Variants in MADD observed in about 807,000 individuals in gnomAD.
MADD encodes MAP kinase-activating death domain protein.
MADD carries 109 observed loss-of-function variants against 176.7 expected under a neutral mutation model. That is an observed-to-expected ratio of 0.62 (90% CI 0.53 to 0.72). The LOEUF is 0.72. MADD is among the 30% of genes least tolerant of loss of function. The probability of loss-of-function intolerance (pLI) is 0.00; values close to 1 mark genes in which losing one functional copy is unlikely to be tolerated. For synonymous variants in MADD, 771 were observed against 771.3 expected (o/e 1.00, Z 0.01); for missense variants, 1,914 against 2,045.5 (o/e 0.94, Z 1.24).
At chr11:47,279,308 G>A (rs1417220277) in intron 7 of MADD, among the ~76,000 whole-genome samples, 5 of 150,342 alleles carry the variant, frequency 3.3e-5, no homozygotes, top group Admixed American at 2.7e-4. Context: ...TTATGATGCT[G>A]TATAAAATAG....
chr11:47,282,958 T>C lies in MADD; in HGVS notation c.1851T>C (p.Pro617=), dbSNP rs1316264471. 7 of 1,613,492 alleles carry C rather than the reference T, an allele frequency of 4.3e-6. No homozygotes were observed. The African/African-American group carries it at 5.3e-5, about 12-fold the overall frequency. The change falls in exon 10 of 33, where the codon CCT becomes CCC. Residue 617 remains proline, a synonymous_variant. Transcript: ENST00000402192. ...CAGAGCGGGACTCTGACTCCGAACC[T>C]ACTGATGATAGGTGAGCATCCTTAG...
intron 19 of MADD, 94 bp from the exon 21 acceptor site, chr11:47,292,449 T>C: frequency 9.1e-7 from 1 of 1,097,346 alleles, no homozygotes; most frequent in Non-Finnish European, 1.4e-6. Flanking sequence ...TGCCTGAGAC[T>C]GAATCGACTT....
intron 27 of MADD, among the ~76,000 whole-genome samples, chr11:47,320,067 GTC>G (rs2094144973): frequency 6.9e-6 from 1 of 145,706 alleles, no homozygotes; most frequent in Admixed American, 6.8e-5. Flanking sequence ...ACCTTTCCGT[GTC>G]TTTTTTTTTT....
Position 47,293,954 on chromosome 11 carries a change from A to T in MADD, c.3373A>T (p.Ser1125Cys), listed in dbSNP as rs778711431. 51 of 1,614,202 alleles carry T rather than the reference A, an allele frequency of 3.2e-5. No individual in the cohort carries two copies. The highest frequency in any genetic ancestry group is 4.2e-5 in the Non-Finnish European group (50 of 1,180,018). Reference sequence around the variant, plus strand: ...GAAAAAGTCCCAGATCAGCGCAGACAGTGGTGTGAGCCTGACGTCTAGTTC... The same window carrying T: ...GAAAAAGTCCCAGATCAGCGCAGACTGTGGTGTGAGCCTGACGTCTAGTTC... The change falls in exon 20 of 33, where the codon AGT becomes TGT. Residue 1125 changes from serine (S) to cysteine (C), a missense_variant. This residue lies in a region of MADD where 1,767 missense variants were observed against 1,836.0 expected (regional missense o/e 0.96). Transcript: ENST00000402192.
At chr11:47,281,674 G>C in exon 8 of MADD, 1 of 1,613,816 alleles carries the variant, frequency 6.2e-7, no homozygotes, top group Non-Finnish European at 8.5e-7. Context: ...GCCTTCTAAT[G>C]ACCTGCAGTC....
Position 47,285,162 on chromosome 11 carries a change from TC to T in MADD, c.2383del (p.Arg795AspfsTer20). 2.5e-6 allele frequency: 4 copies of T among 1,613,876 alleles called. No individual in the cohort carries two copies. Among genetic ancestry groups the T allele is most frequent in the Non-Finnish European group, 3.4e-6 (4 of 1,179,992 alleles). On this transcript the variant is annotated frameshift_variant, in exon 13 of 33. Transcript: ENST00000402192. LOFTEE classifies it high-confidence loss of function. The stretch of plus-strand genomic sequence containing the variant: ...AGGATGAGCAGGGGGAAAGTTACAC[TC>T]CCCGATTCAGCCAACATGTCAGTGG...
intron 22 of MADD, among the ~76,000 whole-genome samples, chr11:47,299,152 G>T (rs561194899): frequency 3.3e-4 from 50 of 151,978 alleles, no homozygotes; most frequent in African/African-American, 1.2e-3. Context: ...GGCTATCTGG[G>T]GTCTTTTGTG....
intron 19 of MADD, 94 bp downstream of exon 21, chr11:47,292,690 C>T: frequency 7.9e-7 from 1 of 1,260,168 alleles, no homozygotes. Context: ...CAGCCCCACC[C>T]CAAATTTGCT....
At chr11:47,300,537 G>T (rs1280921225) in intron 22 of MADD, among the ~76,000 whole-genome samples, 1 of 150,792 alleles carries the variant, frequency 6.6e-6, no homozygotes, top group Non-Finnish European at 1.5e-5. Flanking sequence ...TCGCTCTGTT[G>T]CTCAGGCTGG....
chr11:47,290,492 A>G (rs1264156341), intron 18 of MADD, 118 bp from the exon 20 acceptor site: 2 of 1,272,316 alleles, frequency 1.6e-6, no homozygotes, highest in East Asian at 2.4e-5. Context: ...ACATCAGCTC[A>G]TCTTTCCTTG....
rs894563704 is a variant in MADD, at chr11:47,325,525, T to G, written c.4542+948T>G. ...CCCTCCCTCCGCTAGCCGTTGTAGCTCTCTTTCAGGAACGTAGCTGGGCAG... is the reference window on the plus strand; with the variant it reads ...CCCTCCCTCCGCTAGCCGTTGTAGCGCTCTTTCAGGAACGTAGCTGGGCAG... On this transcript the variant is annotated intron_variant, in intron 30 of 32. Transcript: ENST00000402192. The surrounding 1 kb of genome is among the most constrained non-coding windows in gnomAD (Gnocchi z 4.5). 6.6e-6 allele frequency among the ~76,000 whole-genome samples: 1 copy of G among 152,104 alleles called. No individual in the cohort carries two copies. The highest frequency in any genetic ancestry group is 6.5e-5 in the Admixed American group (1 of 15,270).
chr11:47,280,586 A>G (rs1490599574), intron 7 of MADD, among the ~76,000 whole-genome samples: 1 of 152,156 alleles, frequency 6.6e-6, no homozygotes, highest in African/African-American at 2.4e-5. Context: ...TTATTTTGAG[A>G]TGGAGTCCCA....
intron 19 of MADD, among the ~76,000 whole-genome samples, chr11:47,291,538 A>G (rs977102795): frequency 2.6e-5 from 4 of 152,150 alleles, no homozygotes; most frequent in Non-Finnish European, 4.4e-5. Flanking sequence ...TCTCATTGCC[A>G]TGGCCATTAG....
chr11:47,274,969 C>A, exon 3 of MADD: 1 of 1,614,186 alleles, frequency 6.2e-7, no homozygotes, highest in Non-Finnish European at 8.5e-7. Flanking sequence ...GAACCAGTCT[C>A]CTCGGGGCAA....
rs763185965 is a variant in MADD at position 47,323,723 on chromosome 11, G to A, written c.4250G>A (p.Arg1417His). ...AGTAACATCGGAACAGTGTATGAGC[G>A]CTGGTGGTACGAGAAGCTCATCAAC... The change falls in exon 28 of 33, where the codon CGC becomes CAC. Residue 1417 changes from arginine (R) to histidine (H), a missense_variant. Coordinates refer to ENST00000402192, the Ensembl canonical transcript of MADD. 1.6e-5 allele frequency: 26 copies of A among 1,613,986 alleles called. No individual in the cohort carries two copies. In the South Asian group the frequency reaches 2.3e-4, roughly 14 times the overall value.
chr11:47,277,747 A>G (rs571896587), intron 5 of MADD, among the ~76,000 whole-genome samples: 1 of 152,304 alleles, frequency 6.6e-6, no homozygotes, highest in East Asian at 1.9e-4. Context: ...CGAGATGGCT[A>G]CAGGCTGGAC....
At position 47,274,769 on chromosome 11, in the gene MADD, G is replaced by A. The variant is rs776774757; in HGVS notation, c.269G>A (p.Arg90Gln). 2.7e-5 allele frequency: 43 copies of A among 1,614,070 alleles called. 1 individual carries two copies. Among genetic ancestry groups the A allele is most frequent in the South Asian group, 2.2e-4 (20 of 91,092 alleles). Residue 90 changes from arginine (R) to glutamine (Q), a missense_variant, in exon 3 of 33, where the codon CGA becomes CAA. By Grantham distance (43) the Arg-to-Gln change is conservative. This residue lies in a region of MADD where 1,767 missense variants were observed against 1,836.0 expected (regional missense o/e 0.96). Transcript: ENST00000402192. ...ACTGACAAGGACACTGGAGTCACGC[G>A]ATATGGCATCTGTGTTAACTTCTAC...
At chr11:47,283,880 GTATTTTT>G (rs1477740159) in intron 10 of MADD, among the ~76,000 whole-genome samples, 3 of 152,148 alleles carry the variant, frequency 2.0e-5, no homozygotes, top group Non-Finnish European at 4.4e-5. Context: ...GCTACTTTTT[GTATTTTT>G]AGTAGAGATG....
At chr11:47,309,351 G>A in exon 24 of MADD, 2 of 1,614,196 alleles carry the variant, frequency 1.2e-6, no homozygotes, top group Non-Finnish European at 1.7e-6. Flanking sequence ...CTGTGATGTT[G>A]GAGAGAGAAG....
Sources: gnomAD v4.1 joint callset for allele counts (sites outside exome capture counted in the v4.1 genomes callset) on GRCh38, gnomAD v4.1.1 for gene constraint, gnomAD v4.1.1 regional missense constraint, Gnocchi (gnomAD v3.1) non-coding constraint, MANE v1.5 for transcripts, NCBI Gene and HGNC (gene_info 2026-07-23, HGNC 2026-07-21) for gene names.